The following ARHGEF26 variants were observed in gnomAD, a reference collection of about 807,000 sequenced individuals.
ARHGEF26 encodes the protein Rho guanine nucleotide exchange factor 26.
A neutral mutation model predicts 89.4 loss-of-function variants in ARHGEF26; 59 were observed. The observed-to-expected ratio is 0.66, with a 90% CI of 0.54 to 0.82. The LOEUF (loss-of-function observed/expected upper bound fraction) is 0.82. ARHGEF26 is among the 40% of genes least tolerant of loss of function. The pLI is 0.00. For missense variants in ARHGEF26, 1,234 were observed against 1,085.6 expected, an observed-to-expected ratio of 1.14 and a Z score of -1.92; for synonymous variants, 500 against 428.4, an observed-to-expected ratio of 1.17 and a Z score of -2.06.
chr3:154,128,381 G>A (rs1718463295), intron 3 of ARHGEF26, among the ~76,000 whole-genome samples: 1 of 152,020 alleles, frequency 6.6e-6, no homozygotes, highest in African/African-American at 2.4e-5. Context: ...GGGACCACAG[G>A]GGTGCACCAC....
At chr3:154,213,214 A>AGTGTGTGTGT (rs1451428399) in intron 9 of ARHGEF26, among the ~76,000 whole-genome samples, 6 of 136,044 alleles carry the variant, frequency 4.4e-5, no homozygotes, top group Admixed American at 2.2e-4. Flanking sequence ...AGAGAGAGAG[A>AGTGTGTGTGT]GAGTGTGTGT....
At chr3:154,253,056 A>G in intron 12 of ARHGEF26, 60 bp from the exon 13 acceptor site, 9 of 1,593,822 alleles carry the variant, frequency 5.6e-6, no homozygotes, top group South Asian at 1.1e-5. Flanking sequence ...TGCCTAGAAA[A>G]CACTCCATTC....
At chr3:154,186,885 A>ATT (rs1468607994) in intron 6 of ARHGEF26, among the ~76,000 whole-genome samples, 6 of 69,786 alleles carry the variant, frequency 8.6e-5, no homozygotes, top group Admixed American at 1.7e-4. Context: ...TTTATTTCAG[A>ATT]CTTTTTTTTT....
rs772871529 is a variant in ARHGEF26 at position 154,187,701 on chromosome 3, G to C, written c.1504G>C (p.Glu502Gln). The change falls in exon 7 of 15, where the codon GAA (glutamate) becomes CAA (glutamine). Residue 502 changes from glutamate (E) to glutamine (Q), a missense_variant. Glu to Gln is a conservative substitution (Grantham distance 29, BLOSUM62 2). Transcript: ENST00000465093. ...EASKKFFIEL[E>Q]ARHQNNIFID... ...GTTTTTCAGGTTCTTTATAGAGTTGGAAGCAAGACATCAGAATAATATCTT... is the reference window on the plus strand; with the variant it reads ...GTTTTTCAGGTTCTTTATAGAGTTGCAAGCAAGACATCAGAATAATATCTT... The C allele has an allele frequency of 6.2e-7, 1 of 1,606,250 alleles. No homozygotes were observed. Among genetic ancestry groups the C allele is most frequent in the Non-Finnish European group, 8.5e-7 (1 of 1,176,176 alleles).
intron 11 of ARHGEF26, among the ~76,000 whole-genome samples, chr3:154,238,531 C>G (rs1435640393): frequency 6.6e-6 from 1 of 152,060 alleles, no homozygotes; most frequent in East Asian, 1.9e-4. Context: ...AAATAAATTC[C>G]AGGAAATCTT....
rs1208897754 is a variant in ARHGEF26 at position 154,253,156 on chromosome 3, A to G, written c.2341A>G (p.Ser781Gly). 6.2e-7 allele frequency: 1 copy of G among 1,614,050 alleles called. No individual in the cohort carries two copies. Among genetic ancestry groups the G allele is most frequent in the Non-Finnish European group, 8.5e-7 (1 of 1,179,888 alleles). ...CTGGATAACTGCCCTGGGACACAGC[A>G]GCGGGAAGCCGCCTGCAGACCGAAC... ...ARWITALGHS[S>G]GKPPADRTSL... Residue 781 changes from serine to glycine, a missense_variant, in exon 13 of 15, where the codon AGC (serine) becomes GGC (glycine). Physicochemically the swap from Ser to Gly is moderately conservative, Grantham distance 56. Coordinates refer to ENST00000465093, the MANE Select transcript of ARHGEF26 (RefSeq NM_015595.4).
At chr3:154,190,385 T>C (rs1713881706) in intron 7 of ARHGEF26, among the ~76,000 whole-genome samples, 1 of 152,184 alleles carries the variant, frequency 6.6e-6, no homozygotes, top group Non-Finnish European at 1.5e-5. Context: ...GGCACACACC[T>C]GTAATCCCAG....
At chr3:154,176,652 G>C (rs1436821363) in intron 6 of ARHGEF26, among the ~76,000 whole-genome samples, 1 of 152,186 alleles carries the variant, frequency 6.6e-6, no homozygotes, top group Non-Finnish European at 1.5e-5. Context: ...GCGTGCCTCT[G>C]TGTGCTTTAC....
At position 154,256,098 on chromosome 3, in the gene ARHGEF26, T is replaced by G. The variant is rs191651; in HGVS notation, c.*625T>G. The G allele has an allele frequency of 0.73, 720,923 of 983,822 alleles. 265,392 individuals are homozygous for G. Among genetic ancestry groups the G allele is most frequent in the South Asian group, 0.78 (16,556 of 21,246 alleles). The allele number at this position is 983,822 out of a possible 1,614,324, so 60.9% of individuals were successfully genotyped here. On this transcript the variant is annotated 3_prime_UTR_variant, in exon 15 of 15. Coordinates refer to ENST00000465093, the MANE Select transcript of ARHGEF26 (RefSeq NM_015595.4). ...TAGAAGGAAAGTAGAAAGCCTTACT[T>G]TAGGATTTTTAAAAAAAAATCCATC... is the stretch of plus-strand genomic sequence containing the variant.
chr3:154,198,030 G>A (rs1047142179), intron 9 of ARHGEF26, among the ~76,000 whole-genome samples: 1 of 152,110 alleles, frequency 6.6e-6, no homozygotes, highest in Non-Finnish European at 1.5e-5. Flanking sequence ...TCTCCCAGAG[G>A]CAAAATAGTC....
At chr3:154,171,329 G>C (rs575614578) in intron 6 of ARHGEF26, among the ~76,000 whole-genome samples, 1 of 152,170 alleles carries the variant, frequency 6.6e-6, no homozygotes, top group South Asian at 2.1e-4. Context: ...ACATCAGAAT[G>C]GTACATTTGT....
rs76971573 is a variant in ARHGEF26, at chr3:154,237,862, G to A, written c.2091-2508G>A. Among the ~76,000 whole-genome samples the A allele has an allele frequency of 1.4e-4, 21 of 152,280 alleles. No homozygotes were observed. The East Asian group carries it at 2.7e-3, about 20-fold the overall frequency. On this transcript the variant is annotated intron_variant, in intron 11 of 14. Coordinates refer to ENST00000465093, the MANE Select transcript of ARHGEF26 (RefSeq NM_015595.4). ...CAGAATTGTTTTTAAACAGAAACAG[G>A]TGCCTTTGACTAACAGGTTTTTTAA...
At chr3:154,247,991 G>T (rs1172291429) in intron 12 of ARHGEF26, among the ~76,000 whole-genome samples, 3 of 152,164 alleles carry the variant, frequency 2.0e-5, no homozygotes, top group Non-Finnish European at 4.4e-5. Flanking sequence ...CCCTTTGTCT[G>T]CCTTCATTAA....
At chr3:154,230,141 T>C (rs1414899211) in intron 11 of ARHGEF26, among the ~76,000 whole-genome samples, 1 of 152,222 alleles carries the variant, frequency 6.6e-6, no homozygotes, top group East Asian at 1.9e-4. Flanking sequence ...CACCTGAAGC[T>C]GAAAGCAAAA....
chr3:154,138,833 A>G (rs1719181456), intron 4 of ARHGEF26, among the ~76,000 whole-genome samples: 1 of 152,202 alleles, frequency 6.6e-6, no homozygotes, highest in Non-Finnish European at 1.5e-5. Context: ...GGCCCTGGAG[A>G]TAGAGCAAGA....
At chr3:154,202,800 G>GTTTT (rs1714733846) in intron 9 of ARHGEF26, among the ~76,000 whole-genome samples, 1 of 141,594 alleles carries the variant, frequency 7.1e-6, no homozygotes, top group Admixed American at 7.2e-5. Flanking sequence ...TTGGCTCTCT[G>GTTTT]TCTGTTATTG....
chr3:154,166,214 C>T (rs1712018794), intron 6 of ARHGEF26, among the ~76,000 whole-genome samples: 1 of 151,956 alleles, frequency 6.6e-6, no homozygotes, highest in African/African-American at 2.4e-5. Context: ...CCATGCCTGG[C>T]TAATTTTTTG....
chr3:154,225,239 G>A (rs986687137), intron 10 of ARHGEF26, among the ~76,000 whole-genome samples: 1 of 152,104 alleles, frequency 6.6e-6, no homozygotes, highest in Non-Finnish European at 1.5e-5. Context: ...TTCACAGCCA[G>A]AAAGTAGTAT....
At chr3:154,167,069 A>T (rs1303233286) in intron 6 of ARHGEF26, among the ~76,000 whole-genome samples, 7 of 152,176 alleles carry the variant, frequency 4.6e-5, no homozygotes, top group Admixed American at 4.6e-4. Context: ...AAATAAGCCC[A>T]AGTTTTCTTT....
Sources: allele counts gnomAD v4.1 joint callset (sites outside exome capture counted in the v4.1 genomes callset), GRCh38; gene constraint gnomAD v4.1.1; transcripts MANE v1.5; gene names NCBI Gene and HGNC (gene_info 2026-07-23, HGNC 2026-07-21).